The following ASTN1 variants were observed in gnomAD, a reference collection of about 807,000 sequenced individuals.
The protein encoded by ASTN1 is astrotactin-1.
A neutral mutation model predicts 140.7 loss-of-function variants in ASTN1; 41 were observed. The ratio of observed to expected loss-of-function variants is 0.29; its 90% CI spans 0.23 to 0.38. The LOEUF (loss-of-function observed/expected upper bound fraction) is 0.38, where lower values mean the gene tolerates loss of function less well. Among genes scored for constraint, ASTN1 ranks in the 10% least tolerant of loss-of-function variants. The probability of loss-of-function intolerance (pLI) is 1.00; values close to 1 mark genes in which losing one functional copy is unlikely to be tolerated. For missense variants in ASTN1, 1,479 were observed against 1,678.8 expected (o/e 0.88, Z 2.08); for synonymous variants, 640 against 652.2 (o/e 0.98, Z 0.29).
intron 21 of ASTN1, among the ~76,000 whole-genome samples, chr1:176,876,087 T>C (rs976824279): frequency 1.3e-5 from 2 of 152,226 alleles, no homozygotes; most frequent in Non-Finnish European, 2.9e-5. Context: ...AATTTTGATG[T>C]ATTTTTGCCA....
intron 20 of ASTN1, among the ~76,000 whole-genome samples, chr1:176,879,984 C>G (rs946438698): frequency 1.3e-5 from 2 of 152,166 alleles, no homozygotes. Flanking sequence ...CTCGGCTTAC[C>G]GTTAGCGTTA....
At chr1:176,923,375 G>T (rs1401391181) in intron 16 of ASTN1, among the ~76,000 whole-genome samples, 34 of 152,108 alleles carry the variant, frequency 2.2e-4, no homozygotes, top group Admixed American at 2.2e-3. Flanking sequence ...CAGCTGACTG[G>T]CTACTGGCTC....
intron 22 of ASTN1, among the ~76,000 whole-genome samples, chr1:176,868,140 A>C (rs1227657266): frequency 6.6e-6 from 1 of 152,210 alleles, no homozygotes; most frequent in African/African-American, 2.4e-5. Context: ...CTATCCAAAA[A>C]TTTCAGTCTT....
At chr1:177,106,141 T>G (rs1013972209) in intron 1 of ASTN1, among the ~76,000 whole-genome samples, 1 of 152,228 alleles carries the variant, frequency 6.6e-6, no homozygotes, top group Non-Finnish European at 1.5e-5. Flanking sequence ...CATTATGCTA[T>G]TCTTCCCAGA....
At chr1:177,162,932 A>G (rs1255920227) in intron 1 of ASTN1, among the ~76,000 whole-genome samples, 1 of 152,194 alleles carries the variant, frequency 6.6e-6, no homozygotes, top group Non-Finnish European at 1.5e-5. Flanking sequence ...TATCAAGAGC[A>G]TAGGTTGGGT....
chr1:176,909,753 T>C (rs556243016), intron 16 of ASTN1, among the ~76,000 whole-genome samples: 1 of 152,284 alleles, frequency 6.6e-6, no homozygotes, highest in Admixed American at 6.5e-5. Context: ...CTAGATTCTT[T>C]TTAATTTTCA....
intron 1 of ASTN1, among the ~76,000 whole-genome samples, chr1:177,111,921 C>T (rs1012202022): frequency 2.6e-5 from 4 of 152,156 alleles, no homozygotes; most frequent in Non-Finnish European, 4.4e-5. Flanking sequence ...CAACACTGGG[C>T]CTGGGGAGAA....
chr1:177,031,677 C>T (rs1003040403), intron 3 of ASTN1, among the ~76,000 whole-genome samples: 10 of 152,192 alleles, frequency 6.6e-5, no homozygotes, highest in African/African-American at 2.2e-4. Context: ...TAGTAAGCAA[C>T]ATTCAGCATC....
At chr1:176,957,905 T>C in intron 10 of ASTN1, 77 bp from the exon 11 acceptor site, 1 of 1,476,474 alleles carries the variant, frequency 6.8e-7, no homozygotes, top group South Asian at 1.3e-5. Context: ...CATTCCATGC[T>C]CCTATCTAGT....
At chr1:177,013,088 A>G (rs1224559830) in intron 8 of ASTN1, among the ~76,000 whole-genome samples, 4 of 152,180 alleles carry the variant, frequency 2.6e-5, no homozygotes, top group African/African-American at 7.2e-5. Flanking sequence ...CTGCACATCT[A>G]TCAGCCAAAC....
At chr1:177,068,704 A>T (rs1020471801) in intron 1 of ASTN1, among the ~76,000 whole-genome samples, 6 of 152,128 alleles carry the variant, frequency 3.9e-5, no homozygotes, top group Admixed American at 3.3e-4. Context: ...TTAGGCCCCA[A>T]GTCAGATGCA....
At chr1:176,887,056 T>C (rs1267018089) in intron 18 of ASTN1, among the ~76,000 whole-genome samples, 3 of 152,196 alleles carry the variant, frequency 2.0e-5, no homozygotes, top group Non-Finnish European at 4.4e-5. Flanking sequence ...GACACCTTTG[T>C]AGCACTTCAT....
At chr1:177,141,170 C>T (rs191951370) in intron 1 of ASTN1, among the ~76,000 whole-genome samples, 6 of 152,184 alleles carry the variant, frequency 3.9e-5, no homozygotes, top group South Asian at 2.1e-4. Flanking sequence ...GAACTGAGGT[C>T]GTGCCATTGC....
At chr1:176,899,348 G>T (rs7555232) in intron 16 of ASTN1, among the ~76,000 whole-genome samples, 24,974 of 152,100 alleles carry the variant, frequency 0.16, 2,547 homozygotes, top group Middle Eastern at 0.27. Context: ...AAAGTGACCG[G>T]CCCATTCTCA....
chr1:176,947,701 G>A (rs189214784), intron 12 of ASTN1, among the ~76,000 whole-genome samples: 2 of 152,130 alleles, frequency 1.3e-5, no homozygotes, highest in African/African-American at 2.4e-5. Flanking sequence ...AAGCTGGCTG[G>A]TTCCCTCTCA....
At chr1:177,004,049 CTGA>C (rs1674871176) in intron 8 of ASTN1, among the ~76,000 whole-genome samples, 1 of 152,132 alleles carries the variant, frequency 6.6e-6, no homozygotes, top group South Asian at 2.1e-4. Flanking sequence ...TCTCTGTTTG[CTGA>C]TGATATTATC....
intron 8 of ASTN1, among the ~76,000 whole-genome samples, chr1:176,977,747 C>A (rs1304960946): frequency 6.6e-6 from 1 of 152,148 alleles, no homozygotes; most frequent in Admixed American, 6.5e-5. Flanking sequence ...AATTAAATAA[C>A]ATAAGCCAAA....
At chr1:177,100,561 G>A (rs1477018883) in intron 1 of ASTN1, among the ~76,000 whole-genome samples, 4 of 151,978 alleles carry the variant, frequency 2.6e-5, no homozygotes, top group Non-Finnish European at 5.9e-5. Flanking sequence ...GAGAAAGGTT[G>A]GTGCCTCCAT....
chr1:177,004,228 C>CAA (rs34223365), intron 8 of ASTN1, among the ~76,000 whole-genome samples: 2 of 146,032 alleles, frequency 1.4e-5, no homozygotes, highest in Non-Finnish European at 3.0e-5. Flanking sequence ...ACAATAGCGA[C>CAA]AAAAAAAAAA....
Sources: allele counts gnomAD v4.1 joint callset (sites outside exome capture counted in the v4.1 genomes callset), GRCh38; gene constraint gnomAD v4.1.1; transcripts MANE v1.5; gene names NCBI Gene and HGNC (gene_info 2026-07-23, HGNC 2026-07-21).